BRD10: variants seen among roughly 807,000 people sequenced by gnomAD.
BRD10 encodes bromodomain containing 10, also known as uncharacterized bromodomain-containing protein 10.
the BRD10 span, among the ~76,000 whole-genome samples, chr9:5,880,889 G>C: frequency 1.3e-5 from 2 of 151,944 alleles, no homozygotes; most frequent in African/African-American, 2.4e-5. Flanking sequence ...ATTTTTAGTA[G>C]ACATGGGGTT....
At chr9:5,952,973 A>G in the BRD10 span, among the ~76,000 whole-genome samples, 1 of 152,216 alleles carries the variant, frequency 6.6e-6, no homozygotes, top group African/African-American at 2.4e-5. Flanking sequence ...ATCATTAAAA[A>G]TATTCTATTC....
At chr9:6,000,672 AGTCT>A in the BRD10 span, among the ~76,000 whole-genome samples, 52,883 of 151,888 alleles carry the variant, frequency 0.35, 11,337 homozygotes, top group Non-Finnish European at 0.49. Context: ...TTTAAATAAT[AGTCT>A]GTAAGTTCAG....
At chr9:5,894,684 A>T in the BRD10 span, among the ~76,000 whole-genome samples, 1 of 152,146 alleles carries the variant, frequency 6.6e-6, no homozygotes, top group Non-Finnish European at 1.5e-5. This position sits in a 1 kb window ranked among gnomAD's most constrained non-coding sequence, Gnocchi z 4.0. Flanking sequence ...TATACAGACA[A>T]TGTGAGCATT....
At chr9:5,988,344 CCT>C in the BRD10 span, 1 of 1,607,002 alleles carries the variant, frequency 6.2e-7, no homozygotes, top group South Asian at 1.1e-5. Flanking sequence ...TTAACATTTA[CCT>C]TTTTTCTTCT....
At chr9:5,971,961 T>A in the BRD10 span, among the ~76,000 whole-genome samples, 1 of 152,234 alleles carries the variant, frequency 6.6e-6, no homozygotes, top group Non-Finnish European at 1.5e-5. Flanking sequence ...CTGACTCATA[T>A]GGATTTATTG....
chr9:5,882,177 T>C, the BRD10 span, among the ~76,000 whole-genome samples: 1 of 152,164 alleles, frequency 6.6e-6, no homozygotes, highest in Non-Finnish European at 1.5e-5. Flanking sequence ...GTAACTGTGA[T>C]GGTCACCATT....
chr9:5,999,933 A>C, the BRD10 span, among the ~76,000 whole-genome samples: 1 of 152,112 alleles, frequency 6.6e-6, no homozygotes, highest in Non-Finnish European at 1.5e-5. Flanking sequence ...CACTGTGTCC[A>C]TCCCTTAAGG....
the BRD10 span, among the ~76,000 whole-genome samples, chr9:5,901,713 G>C: frequency 1.3e-5 from 2 of 151,200 alleles, no homozygotes; most frequent in Non-Finnish European, 2.9e-5. Context: ...GTAGAGATGG[G>C]GTTTCACCAT....
the BRD10 span, among the ~76,000 whole-genome samples, chr9:5,906,648 C>A: frequency 2.6e-5 from 4 of 152,234 alleles, no homozygotes; most frequent in African/African-American, 4.8e-5. Context: ...CCAGGTACTG[C>A]ACTAGAGCTT....
chr9:5,968,636 G>A, the BRD10 span: 1 of 1,613,508 alleles, frequency 6.2e-7, no homozygotes, highest in Non-Finnish European at 8.5e-7. Context: ...GAAGGAAGAG[G>A]GCAGGCTATC....
chr9:5,964,947 C>T, the BRD10 span, among the ~76,000 whole-genome samples: 1 of 147,338 alleles, frequency 6.8e-6, no homozygotes, highest in Non-Finnish European at 1.5e-5. Flanking sequence ...GGGAGATATA[C>T]CTAATGCTAG....
the BRD10 span, chr9:5,908,714 A>G: frequency 1.9e-6 from 3 of 1,612,396 alleles, no homozygotes; most frequent in East Asian, 6.7e-5. Flanking sequence ...CTTAAGAGCC[A>G]GCGAGACACC....
At chr9:5,931,811 C>T in the BRD10 span, among the ~76,000 whole-genome samples, 2 of 152,122 alleles carry the variant, frequency 1.3e-5, no homozygotes, top group Admixed American at 1.3e-4. Context: ...CACCCCTATA[C>T]CCTGCCATGG....
At chr9:5,934,421 C>T in the BRD10 span, among the ~76,000 whole-genome samples, 61 of 145,322 alleles carry the variant, frequency 4.2e-4, no homozygotes, top group African/African-American at 1.4e-3. Flanking sequence ...TGCAGAGGTA[C>T]GATGTCGGCT....
At chr9:5,932,448 A>G in the BRD10 span, among the ~76,000 whole-genome samples, 1 of 152,224 alleles carries the variant, frequency 6.6e-6, no homozygotes, top group Non-Finnish European at 1.5e-5. Flanking sequence ...TTGTGTCTAC[A>G]CTAAACACAT....
At chr9:5,923,822 A>G in the BRD10 span, among the ~76,000 whole-genome samples, 1 of 152,330 alleles carries the variant, frequency 6.6e-6, no homozygotes, top group South Asian at 2.1e-4. Context: ...CGGTCAAACT[A>G]GGTTTATAAG....
chr9:5,967,072 T>G, the BRD10 span, among the ~76,000 whole-genome samples: 46 of 152,226 alleles, frequency 3.0e-4, no homozygotes, highest in African/African-American at 1.0e-3. Context: ...ATTCCCTTAT[T>G]TTCCAATTCA....
At chr9:5,883,655 G>T in the BRD10 span, among the ~76,000 whole-genome samples, 7 of 151,526 alleles carry the variant, frequency 4.6e-5, no homozygotes, top group African/African-American at 1.5e-4. Flanking sequence ...GTACAGACAG[G>T]TTCTCACTAT....
the BRD10 span, among the ~76,000 whole-genome samples, chr9:5,972,727 C>T: frequency 6.6e-5 from 10 of 152,196 alleles, no homozygotes; most frequent in South Asian, 4.1e-4. Context: ...CCCATGCTTC[C>T]TGTACAACCT....
Sources: gnomAD v4.1 joint callset for allele counts (sites outside exome capture counted in the v4.1 genomes callset) on GRCh38, gnomAD v4.1.1 for gene constraint, Gnocchi (gnomAD v3.1) non-coding constraint, MANE v1.5 for transcripts, NCBI Gene and HGNC (gene_info 2026-07-23, HGNC 2026-07-21) for gene names.